The following MYH2 variants were observed in gnomAD, a reference collection of about 807,000 sequenced individuals.
MYH2 encodes myosin heavy chain 2, also known as myosin-2.
Under a neutral mutation model 228.1 loss-of-function variants are expected in MYH2, and 139 were observed. That is an observed-to-expected ratio of 0.61 (90% CI 0.53 to 0.70). MYH2 has a LOEUF of 0.70. MYH2 is among the 30% of genes least tolerant of loss of function. The pLI is 0.00. For synonymous variants in MYH2, 796 were observed against 871.1 expected, an observed-to-expected ratio of 0.91 and a Z score of 1.52; for missense variants, 1,809 against 2,357.5, an observed-to-expected ratio of 0.77 and a Z score of 4.82.
At chr17:10,547,233 A>C (rs923286475) in intron 4 of MYH2, among the ~76,000 whole-genome samples, 6 of 152,192 alleles carry the variant, frequency 3.9e-5, no homozygotes, top group African/African-American at 1.2e-4. Flanking sequence ...TGCCTATTGA[A>C]GGGTTTCTGG....
Position 10,533,612 on chromosome 17 carries a change from C to T in MYH2, c.2201G>A (p.Ser734Asn). 1.2e-6 allele frequency: 2 copies of T among 1,614,138 alleles called. No homozygotes were observed. The highest frequency in any genetic ancestry group is 2.7e-5 in the African/African-American group (2 of 75,046). Residue 734 changes from serine (S) to asparagine (N), a missense_variant, in exon 20 of 40, where the codon AGT becomes AAT. Physicochemically the swap from Ser to Asn is conservative, Grantham distance 46. Transcript: ENST00000245503. ...FKQRYKVLNA[S>N]AIPEGQFIDS... Reference sequence around the variant, plus strand: ...AATGAATTGCCCTTCAGGGATTGCACTTGCATTTAATACCTTGTATCTGTT... The same window carrying T: ...AATGAATTGCCCTTCAGGGATTGCATTTGCATTTAATACCTTGTATCTGTT...
Position 10,524,537 on chromosome 17 carries a change from C to CT in MYH2, c.5103dup (p.Glu1702ArgfsTer16). 1 of 1,614,244 alleles carries CT rather than the reference C, an allele frequency of 6.2e-7. No individual in the cohort carries two copies. Among genetic ancestry groups the CT allele is most frequent in the African/African-American group, 1.3e-5 (1 of 75,056 alleles). ...TGTTCTGCGATTTTTCTGCTCCTCTCTGTCTGTTCCAGAGTGGCCCGCAGC... is the reference window on the plus strand; with the variant it reads ...TGTTCTGCGATTTTTCTGCTCCTCTCTTGTCTGTTCCAGAGTGGCCCGCAGC... On this transcript the variant is annotated frameshift_variant, in exon 35 of 40. Coordinates refer to ENST00000245503, the MANE Select transcript of MYH2 (RefSeq NM_017534.6). LOFTEE classifies it high-confidence loss of function. The surrounding 1 kb of genome is among the most constrained non-coding windows in gnomAD (Gnocchi z 4.7).
Position 10,535,184 on chromosome 17 carries a change from A to G in MYH2, c.2069T>C (p.Met690Thr). The G allele has an allele frequency of 6.2e-7, 1 of 1,614,180 alleles. No individual in the cohort carries two copies. Residue 690 changes from methionine (M) to threonine (T), a missense_variant, in exon 19 of 40, where the codon ATG becomes ACG. Transcript: ENST00000245503. ...IPNETKTPGA[M>T]EHELVLHQLR... ...CTGGTGGAGGACAAGCTCATGCTCC[A>G]TGGCACCTAAAAATGCATATTTATT... is the stretch of plus-strand genomic sequence containing the variant.
intron 17 of MYH2, among the ~76,000 whole-genome samples, chr17:10,535,659 A>G (rs1352258669): frequency 2.0e-5 from 3 of 152,142 alleles, no homozygotes; most frequent in African/African-American, 7.2e-5. Flanking sequence ...ATACACATAC[A>G]TTTACAAGGC....
chr17:10,535,161 G>C lies in MYH2; in HGVS notation c.2092C>G (p.Gln698Glu), dbSNP rs142443410. The C allele has an allele frequency of 1.2e-6, 2 of 1,613,992 alleles. No homozygotes were observed. The highest frequency in any genetic ancestry group is 1.7e-6 in the Non-Finnish European group (2 of 1,180,038). ...GAMEHELVLH[Q>E]LRCNGVLEGI... The stretch of plus-strand genomic sequence containing the variant: ...TCCAGCACACCGTTACACCTCAGCT[G>C]GTGGAGGACAAGCTCATGCTCCATG... Residue 698 changes from glutamine to glutamate, a missense_variant, in exon 19 of 40, where the codon CAG (glutamine) becomes GAG (glutamate). Around this residue, in one of 9 missense-constraint regions of MYH2, gnomAD observed 276 missense variants for 344.2 expected, o/e 0.80. Transcript: ENST00000245503.
At position 10,537,740 on chromosome 17, in the gene MYH2, G is replaced by A. The variant is rs1263813164; in HGVS notation, c.1512C>T (p.Tyr504=). 1 of 1,614,146 alleles carries A rather than the reference G, an allele frequency of 6.2e-7. No individual in the cohort carries two copies. Among genetic ancestry groups the A allele is most frequent in the Admixed American group, 1.7e-5 (1 of 60,020 alleles). The change falls in exon 15 of 40, where the codon TAC becomes TAT. Residue 504 remains tyrosine (Y), a synonymous_variant. Transcript: ENST00000245503. This position sits in a 1 kb window ranked among gnomAD's most constrained non-coding sequence, Gnocchi z 4.0. ...HHMFVLEQEE[Y]KKEGIEWTFI... is the part of the protein sequence containing the mutation. ...ACGTCCACTCGATGCCTTCCTTCTT[G>A]TACTCCTCCTGCTCCAGCACGAACA...
At chr17:10,545,014 AGTGT>A (rs112057904) in intron 5 of MYH2, among the ~76,000 whole-genome samples, 5 of 150,428 alleles carry the variant, frequency 3.3e-5, no homozygotes, top group African/African-American at 4.9e-5. Flanking sequence ...TGCGTGCATG[AGTGT>A]GTGTGTGTGT....
chr17:10,529,156 A>G lies in MYH2; in HGVS notation c.3354+6T>C, dbSNP rs759993294. 5 of 1,614,252 alleles carry G rather than the reference A, an allele frequency of 3.1e-6. No individual in the cohort carries two copies. The highest frequency in any genetic ancestry group is 4.2e-6 in the Non-Finnish European group (5 of 1,180,046). ...CGAGCCAGACTGATGAAAATCATGT[A>G]CTTACTTGCAATTCTTTAATTTTCT... On this transcript the variant is annotated splice_donor_region_variant and intron_variant, in intron 26 of 39. Transcript: ENST00000245503.
intron 11 of MYH2, 38 bp downstream of exon 11, chr17:10,540,556 C>A (rs2073539149): frequency 6.7e-7 from 1 of 1,492,402 alleles, no homozygotes. Flanking sequence ...TTACTCTGAC[C>A]CACCATAATA....
intron 11 of MYH2, among the ~76,000 whole-genome samples, 157 bp downstream of exon 11, chr17:10,540,437 A>G (rs1419459019): frequency 6.6e-6 from 1 of 152,086 alleles, no homozygotes; most frequent in Non-Finnish European, 1.5e-5. Context: ...AAAATGTTAT[A>G]GGGGCACATC....
rs1371721042 is a variant in MYH2 at position 10,524,744 on chromosome 17, T to G, written c.4971+13A>C. On this transcript the variant is annotated intron_variant, in intron 34 of 39. Coordinates refer to ENST00000245503, the MANE Select transcript of MYH2 (RefSeq NM_017534.6). This position sits in a 1 kb window ranked among gnomAD's most constrained non-coding sequence, Gnocchi z 4.7. ...CCCCAATAGTCCTGGGACCATCTCT[T>G]GGACATATTTACCTTGAGGATGCCT... 6.2e-7 allele frequency: 1 copy of G among 1,614,218 alleles called. No individual in the cohort carries two copies.
chr17:10,542,890 T>A lies in MYH2; in HGVS notation c.889A>T (p.Lys297Ter). ...CATTTCTTACCAATAAGTTCTGGTT[T>A]CTTATTCGATGTAATCTGGTAAAAA... is the stretch of plus-strand genomic sequence containing the variant. Reference protein sequence around the residue: ...HIFYQITSNKKPELIEMLLIT... With the variant: ...HIFYQITSNK Residue 297 changes from lysine to a stop codon, truncating the protein, a stop_gained, in exon 10 of 40, where the codon AAA becomes TAA. Transcript: ENST00000245503. LOFTEE classifies it high-confidence loss of function. 6.2e-7 allele frequency: 1 copy of A among 1,604,572 alleles called. No homozygotes were observed. Among genetic ancestry groups the A allele is most frequent in the South Asian group, 1.1e-5 (1 of 90,812 alleles).
chr17:10,529,541 G>A, intron 24 of MYH2, 23 bp downstream of exon 24: 2 of 1,614,198 alleles, frequency 1.2e-6, no homozygotes, highest in Non-Finnish European at 1.7e-6. Flanking sequence ...AGAAAAGAAT[G>A]TCCTTGATGA....
At position 10,536,539 on chromosome 17, in the gene MYH2, G is replaced by A; in HGVS notation, c.1965C>T (p.Ala655=). 5 of 1,613,512 alleles carry A rather than the reference G, an allele frequency of 3.1e-6. No homozygotes were observed. The highest frequency in any genetic ancestry group is 1.1e-5 in the South Asian group (1 of 91,016). Residue 655 remains alanine, a synonymous_variant, in exon 17 of 40, where the codon GCC becomes GCT. Transcript: ENST00000245503. ...KKGSSFQTVS[A]LFRENLNKLM... The stretch of plus-strand genomic sequence containing the variant: ...ACAATTTCTTCCTTACTCTGAAAAG[G>A]GCAGACACTGTCTGGAAAGAAGAGC...
intron 13 of MYH2, 39 bp downstream of exon 13, chr17:10,539,405 G>C: frequency 6.2e-7 from 1 of 1,614,038 alleles, no homozygotes; most frequent in Non-Finnish European, 8.5e-7. Flanking sequence ...CTATGAAAAT[G>C]CTTTCATCCC....
In MYH2 at chr17:10,535,278, C is replaced by T; in HGVS notation, c.2062G>A (p.Gly688Ser). The change falls in exon 18 of 40, where the codon GGT (glycine) becomes AGT (serine). Residue 688 changes from glycine to serine, a missense_variant and splice_region_variant. Gly to Ser is a moderately conservative substitution (Grantham distance 56). Around this residue, in one of 9 missense-constraint regions of MYH2, gnomAD observed 276 missense variants for 344.2 expected, o/e 0.80. Coordinates refer to ENST00000245503, the MANE Select transcript of MYH2 (RefSeq NM_017534.6). ...CIIPNETKTPGAMEHELVLHQ... is the reference protein window; with the variant it reads ...CIIPNETKTPSAMEHELVLHQ... ...GCACTTTCATTATGGAATTTCTTAC[C>T]AGGAGTTTTTGTCTCATTGGGGATG... 6.2e-7 allele frequency: 1 copy of T among 1,614,036 alleles called. No homozygotes were observed. Among genetic ancestry groups the T allele is most frequent in the Non-Finnish European group, 8.5e-7 (1 of 1,179,966 alleles).
At chr17:10,527,986 T>C in intron 27 of MYH2, 112 bp from the exon 28 acceptor site, 1 of 1,308,732 alleles carries the variant, frequency 7.6e-7, no homozygotes, top group Admixed American at 2.2e-5. Flanking sequence ...TTTATCTTAA[T>C]ATAGAAAAGA....
chr17:10,546,709 G>A (rs2073638364), intron 4 of MYH2, among the ~76,000 whole-genome samples: 1 of 151,568 alleles, frequency 6.6e-6, no homozygotes, highest in South Asian at 2.1e-4. Context: ...ATTCCAGATA[G>A]AAGGGACCAG....
chr17:10,523,789 T>G lies in MYH2; in HGVS notation c.5271A>C (p.Ala1757=), dbSNP rs2073314380. Residue 1757 remains alanine, a synonymous_variant, in exon 36 of 40, where the codon GCA becomes GCC. Transcript: ENST00000245503. ...TGATGGCCTTCTTGGCCTTTTCTTC[T>G]GCATTGCGGGCTTCCTGGAGAATGT... ...MEDILQEARN[A]EEKAKKAITD... 1 of 1,614,260 alleles carries G rather than the reference T, an allele frequency of 6.2e-7. No individual in the cohort carries two copies. Among genetic ancestry groups the G allele is most frequent in the Non-Finnish European group, 8.5e-7 (1 of 1,180,048 alleles).
Sources: gnomAD v4.1 joint callset for allele counts (sites outside exome capture counted in the v4.1 genomes callset) on GRCh38, gnomAD v4.1.1 for gene constraint, gnomAD v4.1.1 regional missense constraint, Gnocchi (gnomAD v3.1) non-coding constraint, MANE v1.5 for transcripts, NCBI Gene and HGNC (gene_info 2026-07-23, HGNC 2026-07-21) for gene names.